OPCML: variants seen among roughly 807,000 people sequenced by gnomAD.
OPCML encodes the protein opioid binding protein/cell adhesion molecule like, also known as opioid-binding protein/cell adhesion molecule.
In OPCML, 13 loss-of-function variants were observed where a neutral mutation model predicts 37.8. The ratio of observed to expected loss-of-function variants is 0.34; its 90% CI spans 0.22 to 0.55. The LOEUF is 0.55. OPCML is among the 20% of genes least tolerant of loss of function. The probability of loss-of-function intolerance (pLI) is 0.91; values close to 1 mark genes in which losing one functional copy is unlikely to be tolerated. For synonymous variants in OPCML, 176 were observed against 168.8 expected (o/e 1.04, Z -0.33); for missense variants, 341 against 435.6 (o/e 0.78, Z 1.93).
intron 3 of OPCML, among the ~76,000 whole-genome samples, chr11:132,636,440 G>A (rs1484066632): frequency 6.6e-6 from 1 of 152,150 alleles, no homozygotes; most frequent in Non-Finnish European, 1.5e-5. Flanking sequence ...TCAAAACACA[G>A]GGCCTAGAAT....
At chr11:132,540,958 C>T (rs2096354912) in intron 3 of OPCML, among the ~76,000 whole-genome samples, 1 of 152,120 alleles carries the variant, frequency 6.6e-6, no homozygotes, top group South Asian at 2.1e-4. Flanking sequence ...GTTCCTTTCC[C>T]CCCCGACTTG....
chr11:133,531,627 G>A (rs1948605722), intron 1 of OPCML, among the ~76,000 whole-genome samples: 1 of 152,086 alleles, frequency 6.6e-6, no homozygotes, highest in African/African-American at 2.4e-5. Flanking sequence ...AAATGCAGGA[G>A]CAGATGAGTG....
chr11:132,596,723 C>G (rs779770384), intron 3 of OPCML, among the ~76,000 whole-genome samples: 1 of 152,166 alleles, frequency 6.6e-6, no homozygotes, highest in Non-Finnish European at 1.5e-5. Flanking sequence ...CTTCTTTACT[C>G]TTAATTCCTA....
At chr11:132,971,897 C>A (rs1280951220) in intron 1 of OPCML, among the ~76,000 whole-genome samples, 3 of 152,166 alleles carry the variant, frequency 2.0e-5, no homozygotes, top group Non-Finnish European at 4.4e-5. Flanking sequence ...TTGTATGTAA[C>A]TTATTGTACT....
At chr11:132,824,522 A>G (rs977720941) in intron 2 of OPCML, among the ~76,000 whole-genome samples, 3 of 152,084 alleles carry the variant, frequency 2.0e-5, no homozygotes, top group Non-Finnish European at 4.4e-5. Context: ...AAAACATCAC[A>G]AAAGAATTTT....
chr11:133,396,696 G>T (rs1945293539), intron 1 of OPCML, among the ~76,000 whole-genome samples: 1 of 152,098 alleles, frequency 6.6e-6, no homozygotes, highest in Admixed American at 6.6e-5. Context: ...CTGCTCTTTT[G>T]CATGTAAACT....
chr11:132,911,719 A>G (rs1475966449), intron 2 of OPCML, among the ~76,000 whole-genome samples: 1 of 152,228 alleles, frequency 6.6e-6, no homozygotes, highest in Non-Finnish European at 1.5e-5. Flanking sequence ...AAGAGTGCAA[A>G]TATGACTTAA....
intron 1 of OPCML, chr11:133,024,915 A>T: frequency 4.1e-6 from 4 of 985,424 alleles, no homozygotes; most frequent in Non-Finnish European, 4.8e-6. Context: ...TACAGCATAC[A>T]AATTTGCATA....
At chr11:133,383,133 T>C (rs1944967641) in intron 1 of OPCML, among the ~76,000 whole-genome samples, 1 of 152,100 alleles carries the variant, frequency 6.6e-6, no homozygotes, top group Non-Finnish European at 1.5e-5. Flanking sequence ...CCTCCCTCCC[T>C]TTCCTGCCTA....
intron 3 of OPCML, among the ~76,000 whole-genome samples, chr11:132,548,135 C>T (rs1480555867): frequency 6.6e-6 from 1 of 152,162 alleles, no homozygotes; most frequent in Non-Finnish European, 1.5e-5. Context: ...GTTAAACCAT[C>T]TTTCCCTCTC....
chr11:132,782,917 G>GTATATATATATATATA (rs59984496), intron 2 of OPCML, among the ~76,000 whole-genome samples: 18 of 125,088 alleles, frequency 1.4e-4, no homozygotes, highest in East Asian at 4.5e-4. Flanking sequence ...TATAGTGTGT[G>GTATATATATATATATA]TATATATATA....
At chr11:133,254,683 A>G (rs1941253578) in intron 1 of OPCML, among the ~76,000 whole-genome samples, 1 of 152,152 alleles carries the variant, frequency 6.6e-6, no homozygotes, top group Non-Finnish European at 1.5e-5. Context: ...TGTTGGGGCA[A>G]AGGTGAGAGG....
chr11:133,116,222 C>T (rs1949331449), intron 1 of OPCML, among the ~76,000 whole-genome samples: 1 of 152,210 alleles, frequency 6.6e-6, no homozygotes, highest in African/African-American at 2.4e-5. Context: ...CCGCCTCGGC[C>T]TCCCAAAGTG....
intron 1 of OPCML, among the ~76,000 whole-genome samples, chr11:133,123,979 CTG>C (rs1278574475): frequency 6.6e-6 from 1 of 151,966 alleles, no homozygotes; most frequent in African/African-American, 2.4e-5. Context: ...GGGTCAAAGA[CTG>C]TCAGTTTTGT....
chr11:133,444,446 T>C (rs1431741221), intron 1 of OPCML, among the ~76,000 whole-genome samples: 2 of 152,154 alleles, frequency 1.3e-5, no homozygotes, highest in African/African-American at 2.4e-5. Context: ...AGTTCAAAGA[T>C]GATTTGAGAG....
At chr11:133,116,132 C>A (rs1316108678) in intron 1 of OPCML, among the ~76,000 whole-genome samples, 1 of 152,080 alleles carries the variant, frequency 6.6e-6, no homozygotes, top group Non-Finnish European at 1.5e-5. Context: ...CCACGCCTGG[C>A]TAATTTTTGT....
At chr11:133,354,304 ACGTGTTGG>A (rs1944227196) in intron 1 of OPCML, among the ~76,000 whole-genome samples, 1 of 9,890 alleles carries the variant, frequency 1.0e-4, no homozygotes, top group Non-Finnish European at 2.4e-4. Flanking sequence ...GGTGGTGGTG[ACGTGTTGG>A]TAGTGGTGGT....
At chr11:133,416,803 C>G (rs1351648141) in intron 1 of OPCML, among the ~76,000 whole-genome samples, 1 of 152,036 alleles carries the variant, frequency 6.6e-6, no homozygotes, top group African/African-American at 2.4e-5. Context: ...CATAATGAGC[C>G]CCTGTGATAA....
intron 3 of OPCML, among the ~76,000 whole-genome samples, chr11:132,549,020 A>G (rs1034065125): frequency 6.6e-6 from 1 of 152,162 alleles, no homozygotes; most frequent in African/African-American, 2.4e-5. Flanking sequence ...GGGCTGGGTA[A>G]AATGTGGTCG....
Sources: allele counts gnomAD v4.1 joint callset (sites outside exome capture counted in the v4.1 genomes callset), GRCh38; gene constraint gnomAD v4.1.1; transcripts MANE v1.5; gene names NCBI Gene and HGNC (gene_info 2026-07-23, HGNC 2026-07-21).